MED27: variants seen among roughly 807,000 people sequenced by gnomAD.
MED27 encodes the protein mediator of RNA polymerase II transcription subunit 27.
A neutral mutation model predicts 38.2 loss-of-function variants in MED27; 30 were observed. That is an observed-to-expected ratio of 0.79 (90% CI 0.59 to 1.07). The LOEUF is 1.07. Ranked by LOEUF, MED27 falls within the 50% of genes least tolerant of loss-of-function variation. The pLI is 0.00. For synonymous variants in MED27, 122 were observed against 153.5 expected (o/e 0.79, Z 1.52); for missense variants, 289 against 397.5 (o/e 0.73, Z 2.32).
chr9:131,896,721 T>C (rs1829838128), intron 4 of MED27, among the ~76,000 whole-genome samples: 1 of 151,988 alleles, frequency 6.6e-6, no homozygotes, highest in Admixed American at 6.6e-5. Context: ...AAACTATATA[T>C]ATATATTTTC....
chr9:131,897,793 C>T (rs951178707), intron 4 of MED27, among the ~76,000 whole-genome samples: 1 of 152,164 alleles, frequency 6.6e-6, no homozygotes, highest in African/African-American at 2.4e-5. Flanking sequence ...ATTAAGTTGG[C>T]ACTTTGGGCA....
intron 2 of MED27, among the ~76,000 whole-genome samples, chr9:132,066,765 C>A (rs1233027872): frequency 6.6e-6 from 1 of 152,246 alleles, no homozygotes; most frequent in East Asian, 1.9e-4. Flanking sequence ...CCCTCCCGCA[C>A]ACAGGCCAGA....
rs576624753 is a variant in MED27, at chr9:131,882,887, A to G, written c.723+1171T>C. 3.3e-5 allele frequency among the ~76,000 whole-genome samples: 5 copies of G among 151,118 alleles called. No homozygotes were observed. The East Asian group carries it at 9.7e-4, about 29-fold the overall frequency. On this transcript the variant is annotated intron_variant, in intron 6 of 7. Transcript: ENST00000292035. ...CCTGGCACCTAACAGTGCCTGGCAC[A>G]GAGCAAAGGGGCTCAGTGGATACTT...
chr9:132,031,239 A>G (rs1406383803), intron 2 of MED27, among the ~76,000 whole-genome samples: 1 of 152,222 alleles, frequency 6.6e-6, no homozygotes, highest in Non-Finnish European at 1.5e-5. Context: ...CAGGTGGATA[A>G]ATCTGCACAC....
In MED27 at chr9:131,960,629, T is replaced by C. The variant is rs117183045; in HGVS notation, c.480-21155A>G. Among the ~76,000 whole-genome samples the C allele has an allele frequency of 8.7e-3, 1,321 of 152,328 alleles. 25 individuals are homozygous for C. The highest frequency in any genetic ancestry group is 0.02 in the Middle Eastern group (6 of 294). The stretch of plus-strand genomic sequence containing the variant: ...AAAGGATTACATGTAAAATGGGAGA[T>C]AATCATTCCATTTTGGTAAAAACAC... On this transcript the variant is annotated intron_variant, in intron 3 of 7. Coordinates refer to ENST00000292035, the MANE Select transcript of MED27 (RefSeq NM_004269.4).
chr9:131,931,770 T>TGACCCC (rs1830592055), intron 4 of MED27, among the ~76,000 whole-genome samples: 1 of 152,186 alleles, frequency 6.6e-6, no homozygotes, highest in African/African-American at 2.4e-5. Flanking sequence ...AAGGTCATCA[T>TGACCCC]ATAATGCTAA....
chr9:132,057,085 C>A (rs1312784222), intron 2 of MED27, among the ~76,000 whole-genome samples: 1 of 152,200 alleles, frequency 6.6e-6, no homozygotes, highest in Non-Finnish European at 1.5e-5. Context: ...CCTGGCTATA[C>A]TGTTTGCCCT....
rs571105418 is a variant in MED27 at position 131,960,312 on chromosome 9, G to A, written c.480-20838C>T. ...GCTGTAACTCAGATTCAGTTGTGTC[G>A]TATCAATCACTCCGTTTAATGCTCC... On this transcript the variant is annotated intron_variant, in intron 3 of 7. Transcript: ENST00000292035. Among the ~76,000 whole-genome samples the A allele has an allele frequency of 1.2e-4, 18 of 152,196 alleles. No individual in the cohort carries two copies. The South Asian group carries it at 3.1e-3, about 26-fold the overall frequency.
intron 3 of MED27, among the ~76,000 whole-genome samples, chr9:131,969,396 A>G (rs1157996169): frequency 2.0e-5 from 3 of 152,172 alleles, no homozygotes; most frequent in East Asian, 1.9e-4. Context: ...TGTATATTTC[A>G]TTACTATTTT....
intron 3 of MED27, among the ~76,000 whole-genome samples, chr9:131,979,626 A>G (rs1479443065): frequency 6.6e-6 from 1 of 152,198 alleles, no homozygotes; most frequent in Admixed American, 6.5e-5. Flanking sequence ...TCAATGAAAT[A>G]TGGCATTGAA....
chr9:131,893,794 G>T, intron 5 of MED27, 91 bp downstream of exon 5: 1 of 845,476 alleles, frequency 1.2e-6, no homozygotes, highest in Non-Finnish European at 2.0e-6. Context: ...CGCTATGATT[G>T]CTAGTTTTTA....
At chr9:131,864,081 C>A (rs1838696453) in intron 6 of MED27, among the ~76,000 whole-genome samples, 1 of 152,188 alleles carries the variant, frequency 6.6e-6, no homozygotes, top group Non-Finnish European at 1.5e-5. Context: ...TGCCCGCCGT[C>A]AATCAGCATA....
intron 2 of MED27, among the ~76,000 whole-genome samples, chr9:132,035,793 T>C (rs1210940465): frequency 6.6e-6 from 1 of 151,984 alleles, no homozygotes; most frequent in Non-Finnish European, 1.5e-5. Context: ...CAAGACCCCA[T>C]CTCTACCAAA....
chr9:132,050,508 G>C (rs903551304), intron 2 of MED27, among the ~76,000 whole-genome samples: 2 of 152,194 alleles, frequency 1.3e-5, no homozygotes, highest in African/African-American at 2.4e-5. Context: ...CTCTGTAAAA[G>C]ACAGGGTCCA....
chr9:132,079,064 A>C (rs981898925), intron 1 of MED27, among the ~76,000 whole-genome samples: 2 of 152,190 alleles, frequency 1.3e-5, no homozygotes, highest in African/African-American at 4.8e-5. Context: ...CTGCGGAAGG[A>C]ACTCCCACAG....
At chr9:131,899,944 C>T (rs531102767) in intron 4 of MED27, among the ~76,000 whole-genome samples, 2 of 152,322 alleles carry the variant, frequency 1.3e-5, no homozygotes, top group East Asian at 1.9e-4. Flanking sequence ...AAACGCCCAC[C>T]GACGGGGGCT....
intron 3 of MED27, among the ~76,000 whole-genome samples, chr9:131,940,174 GGATTATAA>G (rs1564291169): frequency 1.3e-5 from 2 of 151,748 alleles, no homozygotes; most frequent in African/African-American, 4.8e-5. Flanking sequence ...CAAAGTGCTG[GGATTATAA>G]GCATGAGCCA....
intron 2 of MED27, among the ~76,000 whole-genome samples, chr9:132,017,109 A>G (rs904737291): frequency 6.6e-6 from 1 of 152,186 alleles, no homozygotes; most frequent in Non-Finnish European, 1.5e-5. Flanking sequence ...CAAGATCTAT[A>G]AGGGGCCCAT....
At chr9:131,888,753 T>C (rs1256670740) in intron 5 of MED27, among the ~76,000 whole-genome samples, 1 of 152,182 alleles carries the variant, frequency 6.6e-6, no homozygotes, top group Non-Finnish European at 1.5e-5. Flanking sequence ...GACGGATCTC[T>C]CCATGTTGTT....
Sources: gnomAD v4.1 joint callset for allele counts (sites outside exome capture counted in the v4.1 genomes callset) on GRCh38, gnomAD v4.1.1 for gene constraint, MANE v1.5 for transcripts, NCBI Gene and HGNC (gene_info 2026-07-23, HGNC 2026-07-21) for gene names.